DNAH2: variants seen among roughly 807,000 people sequenced by gnomAD.
DNAH2 encodes the protein dynein axonemal heavy chain 2.
DNAH2 carries 323 observed loss-of-function variants against 523.5 expected under a neutral mutation model. The observed-to-expected ratio is 0.62, with a 90% CI of 0.56 to 0.68. The LOEUF (loss-of-function observed/expected upper bound fraction) is 0.68, where lower values mean the gene tolerates loss of function less well. Ranked by LOEUF, DNAH2 falls within the 30% of genes least tolerant of loss-of-function variation. The probability of loss-of-function intolerance (pLI) is 0.00; values close to 1 mark genes in which losing one functional copy is unlikely to be tolerated. For missense variants in DNAH2, 4,907 were observed against 5,701.5 expected (o/e 0.86, Z 4.49); for synonymous variants, 2,093 against 2,177.4 (o/e 0.96, Z 1.08).
intron 42 of DNAH2, 194 bp downstream of exon 42, chr17:7,787,227 T>C (rs1181251822): frequency 2.7e-6 from 2 of 733,090 alleles, no homozygotes; most frequent in East Asian, 2.7e-5. Flanking sequence ...TTGAGAACAA[T>C]GATAAGAAAA....
At position 7,727,262 on chromosome 17, in the gene DNAH2, G is replaced by A. The variant is rs1196297323; in HGVS notation, c.369G>A (p.Gly123=). ...CCATCTTCATTGACCCTTGTTTTGGGCTGAAGCTAGAGCTGGGCATGCCTG... is the reference window on the plus strand; with the variant it reads ...CCATCTTCATTGACCCTTGTTTTGGACTGAAGCTAGAGCTGGGCATGCCTG... ...ILTIFIDPCF[G]LKLELGMPVQ... Residue 123 remains glycine, a synonymous_variant, in exon 4 of 86, where the codon GGG becomes GGA. Transcript: ENST00000572933. 4 of 1,611,728 alleles carry A rather than the reference G, an allele frequency of 2.5e-6. No individual in the cohort carries two copies. Among genetic ancestry groups the A allele is most frequent in the Non-Finnish European group, 3.4e-6 (4 of 1,179,056 alleles).
Position 7,786,606 on chromosome 17 carries a change from G to A in DNAH2, c.6385G>A (p.Glu2129Lys). The stretch of plus-strand genomic sequence containing the variant: ...GAACCCCAAGGCATTGTCCCTAGGG[G>A]AACTGTATGGGGAATATGACCTCAG... ...PLNPKALSLG[E>K]LYGEYDLSTN... The change falls in exon 41 of 86, where the codon GAA becomes AAA. Residue 2129 changes from glutamate (E) to lysine (K), a missense_variant. Physicochemically the swap from Glu to Lys is moderately conservative, Grantham distance 56. This residue lies in a region of DNAH2 where 2,806 missense variants were observed against 3,190.8 expected (regional missense o/e 0.88). Coordinates refer to ENST00000572933, the MANE Select transcript of DNAH2 (RefSeq NM_020877.5). This position sits in a 1 kb window ranked among gnomAD's most constrained non-coding sequence, Gnocchi z 7.5. 6.2e-7 allele frequency: 1 copy of A among 1,614,080 alleles called. No homozygotes were observed. Among genetic ancestry groups the A allele is most frequent in the Non-Finnish European group, 8.5e-7 (1 of 1,180,042 alleles).
In DNAH2 at chr17:7,800,841, T is replaced by C. The variant is rs1354016320; in HGVS notation, c.8700-737T>C. On this transcript the variant is annotated intron_variant, in intron 56 of 85. Transcript: ENST00000572933. ...TAGATGGCGCTACTGCACTCCAGCC[T>C]GGGCGAGAGTGAAAGACTCCGTCTC... 3.4e-5 allele frequency among the ~76,000 whole-genome samples: 5 copies of C among 144,944 alleles called. No homozygotes were observed. The East Asian group carries it at 8.8e-4, about 26-fold the overall frequency.
chr17:7,805,056 C>T lies in DNAH2; in HGVS notation c.9282C>T (p.Ala3094=), dbSNP rs566674330. Residue 3094 remains alanine (A), a synonymous_variant, in exon 60 of 86, where the codon GCC becomes GCT. Coordinates refer to ENST00000572933, the MANE Select transcript of DNAH2 (RefSeq NM_020877.5). ...AQKDLEEALP[A]LEEAMRALES... ...AAGATCTAGAAGAGGCACTGCCCGC[C>T]CTGGAAGAGGCCATGCGGGTACCAG... 9.9e-5 allele frequency: 160 copies of T among 1,614,032 alleles called. 1 individual carries two copies. In the South Asian group the frequency reaches 1.6e-3, roughly 17 times the overall value.
intron 64 of DNAH2, 61 bp downstream of exon 64, chr17:7,816,796 T>G (rs2077681493): frequency 6.3e-7 from 1 of 1,586,948 alleles, no homozygotes; most frequent in Admixed American, 1.7e-5. Context: ...GAGAGACCCA[T>G]CCCTTTTAGC....
At chr17:7,823,732 C>G (rs778506477) in intron 74 of DNAH2, 102 bp from the exon 75 acceptor site, 144 of 1,577,304 alleles carry the variant, frequency 9.1e-5, no homozygotes, top group Non-Finnish European at 1.2e-4. Flanking sequence ...CTGGTGCCTG[C>G]CTCCTGGCCC....
Position 7,774,856 on chromosome 17 carries a change from C to T in DNAH2, c.4599C>T (p.Arg1533=), listed in dbSNP as rs1228051711. 3 of 1,614,118 alleles carry T rather than the reference C, an allele frequency of 1.9e-6. No homozygotes were observed. The highest frequency in any genetic ancestry group is 2.5e-6 in the Non-Finnish European group (3 of 1,180,052). ...AGACCAAGCGACATATTTTCCCCCGCTTCTACTTCTTGTCCAATGATGACC... is the reference window on the plus strand; with the variant it reads ...AGACCAAGCGACATATTTTCCCCCGTTTCTACTTCTTGTCCAATGATGACC... ...YLETKRHIFP[R]FYFLSNDDLL... Residue 1533 remains arginine, a synonymous_variant, in exon 29 of 86, where the codon CGC becomes CGT. Coordinates refer to ENST00000572933, the MANE Select transcript of DNAH2 (RefSeq NM_020877.5).
At chr17:7,724,370 C>T (rs116836803) in intron 3 of DNAH2, among the ~76,000 whole-genome samples, 3,298 of 152,126 alleles carry the variant, frequency 0.022, 104 homozygotes, top group African/African-American at 0.07. Context: ...CCTGTAATCC[C>T]GCACTTTAGG....
chr17:7,762,908 A>C (rs1295767581), intron 18 of DNAH2, among the ~76,000 whole-genome samples: 3 of 151,784 alleles, frequency 2.0e-5, no homozygotes, highest in Admixed American at 6.6e-5. Flanking sequence ...AAAAAAAAAA[A>C]ACCTGCCTGA....
intron 7 of DNAH2, among the ~76,000 whole-genome samples, chr17:7,735,702 G>A (rs1597479641): frequency 6.6e-6 from 1 of 152,158 alleles, no homozygotes; most frequent in East Asian, 1.9e-4. Context: ...GCCTCCTAAA[G>A]TGTTGGGATT....
intron 11 of DNAH2, 31 bp downstream of exon 11, chr17:7,741,023 G>A (rs1304289006): frequency 1.9e-6 from 3 of 1,574,376 alleles, no homozygotes; most frequent in Non-Finnish European, 2.6e-6. Context: ...ATATTCTGTC[G>A]TCAGTGAGAC....
chr17:7,792,455 TC>T, intron 46 of DNAH2, 112 bp downstream of exon 46: 1 of 1,206,032 alleles, frequency 8.3e-7, no homozygotes, highest in Non-Finnish European at 1.2e-6. Flanking sequence ...AGAAGGTGGG[TC>T]CCAGAGAAGG....
chr17:7,777,546 G>A lies in DNAH2; in HGVS notation c.5159G>A (p.Arg1720Gln), dbSNP rs748151605. 6.2e-6 allele frequency: 10 copies of A among 1,614,120 alleles called. No individual in the cohort carries two copies. Among genetic ancestry groups the A allele is most frequent in the South Asian group, 5.5e-5 (5 of 91,076 alleles). Reference sequence around the variant, plus strand: ...CTGGTGACGATAGAAATTCATGCCCGGGATGTGTTGGAGAAGCTTTACAAG... The same window carrying A: ...CTGGTGACGATAGAAATTCATGCCCAGGATGTGTTGGAGAAGCTTTACAAG... ...VALVTIEIHA[R>Q]DVLEKLYKSG... Residue 1720 changes from arginine (R) to glutamine (Q), a missense_variant, in exon 33 of 86, where the codon CGG becomes CAG. Coordinates refer to ENST00000572933, the MANE Select transcript of DNAH2 (RefSeq NM_020877.5).
intron 12 of DNAH2, among the ~76,000 whole-genome samples, chr17:7,749,502 A>G (rs971482362): frequency 6.6e-6 from 1 of 151,950 alleles, no homozygotes; most frequent in African/African-American, 2.4e-5. Context: ...TAATACGTTT[A>G]TGCTACTAGA....
rs558221445 is a variant in DNAH2, at chr17:7,809,558, G to A, written c.9729+1972G>A. On this transcript the variant is annotated intron_variant, in intron 63 of 85. Coordinates refer to ENST00000572933, the MANE Select transcript of DNAH2 (RefSeq NM_020877.5). ...TTCCCAAGAGCGAAGAATCACAGGT[G>A]TGGCAATCTGTTTGGAAAGGGTTTT... is the stretch of plus-strand genomic sequence containing the variant. Among the ~76,000 whole-genome samples the A allele has an allele frequency of 5.7e-4, 87 of 152,276 alleles. 1 individual carries two copies. The South Asian group carries it at 0.016, about 28-fold the overall frequency.
rs1487373877 is a variant in DNAH2, at chr17:7,818,480, C to T, written c.10536+20C>T. 6.2e-7 allele frequency: 1 copy of T among 1,613,488 alleles called. No homozygotes were observed. Among genetic ancestry groups the T allele is most frequent in the East Asian group, 2.2e-5 (1 of 44,880 alleles). On this transcript the variant is annotated intron_variant, in intron 69 of 85. Coordinates refer to ENST00000572933, the MANE Select transcript of DNAH2 (RefSeq NM_020877.5). ...GAACAGGTGGGTACAGGCTGAGGTC[C>T]AGACTGAGCTAGGGTGAAGCAGGAA...
At chr17:7,766,560 A>T in intron 22 of DNAH2, 79 bp downstream of exon 22, 4 of 1,456,708 alleles carry the variant, frequency 2.7e-6, no homozygotes, top group Non-Finnish European at 3.7e-6. Flanking sequence ...GCGCCCACAA[A>T]GGCAGTGGGA....
rs764390834 is a variant in DNAH2, at chr17:7,792,837, T to C, written c.7326T>C (p.Val2442=). 2.0e-5 allele frequency: 33 copies of C among 1,613,956 alleles called. No individual in the cohort carries two copies. The highest frequency in any genetic ancestry group is 2.5e-5 in the Non-Finnish European group (30 of 1,179,982). The change falls in exon 47 of 86, where the codon GTT becomes GTC. Residue 2442 remains valine, a synonymous_variant. Transcript: ENST00000572933. ...SLPSSQWSVL[V]VNMSAQTTSN... ...CCTCCAGCCAGTGGTCGGTGCTCGT[T>C]GTCAACATGTCCGCACAGGTGTGTC...
chr17:7,763,920 C>T lies in DNAH2; in HGVS notation c.3068C>T (p.Ser1023Phe), dbSNP rs144053566. ...VLLDCSHLKF[S>F]LVQHCNEWQN... ...CTGGACTGTTCGCACCTCAAGTTCT[C>T]CCTGGTGCAGCACTGCAATGAATGG... is the stretch of plus-strand genomic sequence containing the variant. Residue 1023 changes from serine to phenylalanine, a missense_variant, in exon 19 of 86, where the codon TCC becomes TTC. By Grantham distance (155) the Ser-to-Phe change is radical. Transcript: ENST00000572933. The T allele has an allele frequency of 5.0e-6, 8 of 1,614,098 alleles. No homozygotes were observed. The African/African-American group carries it at 9.3e-5, about 19-fold the overall frequency.
Sources: gnomAD v4.1 joint callset for allele counts (sites outside exome capture counted in the v4.1 genomes callset) on GRCh38, gnomAD v4.1.1 for gene constraint, gnomAD v4.1.1 regional missense constraint, Gnocchi (gnomAD v3.1) non-coding constraint, MANE v1.5 for transcripts, NCBI Gene and HGNC (gene_info 2026-07-23, HGNC 2026-07-21) for gene names.